GHITM: variants seen among roughly 807,000 people sequenced by gnomAD.
The protein encoded by GHITM is growth hormone-inducible transmembrane protein.
In GHITM, 24 loss-of-function variants were observed where a neutral mutation model predicts 38.7. That is an observed-to-expected ratio of 0.62 (90% CI 0.45 to 0.87). The LOEUF is 0.87. Among genes scored for constraint, GHITM ranks in the 40% least tolerant of loss-of-function variants. The probability of loss-of-function intolerance (pLI) is 0.00; values close to 1 mark genes in which losing one functional copy is unlikely to be tolerated. For missense variants in GHITM, 420 were observed against 429.8 expected (o/e 0.98, Z 0.20); for synonymous variants, 154 against 147.8 (o/e 1.04, Z -0.30).
At chr10:84,149,632 G>A (rs1487313501) in intron 6 of GHITM, among the ~76,000 whole-genome samples, 3 of 152,182 alleles carry the variant, frequency 2.0e-5, no homozygotes, top group Admixed American at 6.5e-5. Flanking sequence ...AGCAGTGTCT[G>A]TCTTAGAAGT....
Position 84,148,781 on chromosome 10 carries a change from TCA to T in GHITM, c.536_537del (p.Ser179TyrfsTer4). 1 of 1,613,610 alleles carries T rather than the reference TCA, an allele frequency of 6.2e-7. No homozygotes were observed. Among genetic ancestry groups the T allele is most frequent in the Non-Finnish European group, 8.5e-7 (1 of 1,179,504 alleles). On this transcript the variant is annotated frameshift_variant, in exon 6 of 9. Transcript: ENST00000372134. LOFTEE classifies it high-confidence loss of function. Reference sequence around the variant, plus strand: ...GGTTGGAGCTGGAATGCTGGTACGATCAATACCATATGACCAGAGCCCAGGCC... The same window carrying T: ...GGTTGGAGCTGGAATGCTGGTACGATATACCATATGACCAGAGCCCAGGCC... ...AMVGAGMLVR[S>X]IPYDQSPGPK... is the part of the protein sequence containing the mutation.
chr10:84,143,299 G>A (rs1415848521), intron 3 of GHITM, among the ~76,000 whole-genome samples: 1 of 152,196 alleles, frequency 6.6e-6, no homozygotes, highest in East Asian at 1.9e-4. Context: ...TAATAATCTT[G>A]CAAAATGTCT....
At chr10:84,146,657 T>G (rs958538464) in intron 5 of GHITM, among the ~76,000 whole-genome samples, 11 of 152,204 alleles carry the variant, frequency 7.2e-5, no homozygotes, top group Non-Finnish European at 1.3e-4. Context: ...GCAAATAATT[T>G]AAAACAATAC....
At chr10:84,150,363 A>AT in intron 7 of GHITM, 120 bp downstream of exon 7, 7 of 780,188 alleles carry the variant, frequency 9.0e-6, no homozygotes, top group Non-Finnish European at 1.4e-5. Context: ...ATTTATGCTA[A>AT]TTTGACTGGA....
At chr10:84,150,536 G>A (rs753632836) in intron 7 of GHITM, among the ~76,000 whole-genome samples, 173 bp from the exon 8 acceptor site, 1 of 152,168 alleles carries the variant, frequency 6.6e-6, no homozygotes, top group Non-Finnish European at 1.5e-5. Flanking sequence ...TTGGAGGAAT[G>A]AGTATCATGG....
intron 6 of GHITM, among the ~76,000 whole-genome samples, chr10:84,149,040 G>A (rs1003099214): frequency 6.6e-6 from 1 of 152,158 alleles, no homozygotes; most frequent in African/African-American, 2.4e-5. Flanking sequence ...TCTTCAATAC[G>A]AAACTTGTAT....
At chr10:84,149,481 A>ATTTTTTTT (rs1453776873) in intron 6 of GHITM, among the ~76,000 whole-genome samples, 4 of 152,156 alleles carry the variant, frequency 2.6e-5, no homozygotes, top group African/African-American at 9.7e-5. Flanking sequence ...ATAATGCATT[A>ATTTTTTTT]TCTAAGTTTT....
intron 8 of GHITM, 111 bp downstream of exon 8, chr10:84,150,991 A>G: frequency 1.5e-6 from 1 of 680,844 alleles, no homozygotes; most frequent in East Asian, 2.7e-5. Context: ...TACTGTTAAC[A>G]AAGTATCGCA....
rs202027625 is a variant in GHITM at position 84,150,881 on chromosome 10, G to A, written c.953+1G>A. Reference sequence around the variant, plus strand: ...TTCAAAAATATGATCCCATTAACTCGTAAGTAATGCTTTTTATTTAACACT... The same window carrying A: ...TTCAAAAATATGATCCCATTAACTCATAAGTAATGCTTTTTATTTAACACT... On this transcript the variant is annotated splice_donor_variant, in intron 8 of 8. Coordinates refer to ENST00000372134, the MANE Select transcript of GHITM (RefSeq NM_014394.3). LOFTEE classifies it high-confidence loss of function. 9.5e-5 allele frequency: 150 copies of A among 1,577,146 alleles called. No homozygotes were observed. Among genetic ancestry groups the A allele is most frequent in the Middle Eastern group, 2.1e-4 (1 of 4,818 alleles).
At chr10:84,141,241 C>T (rs1841502870) in intron 1 of GHITM, among the ~76,000 whole-genome samples, 1 of 152,190 alleles carries the variant, frequency 6.6e-6, no homozygotes. Context: ...CTAGTTTGTT[C>T]CTCCATCTTC....
chr10:84,150,213 G>T lies in GHITM; in HGVS notation c.751G>T (p.Gly251Cys). ...GAACATGGGTGCACCCCTGGGAGTG[G>T]GCCTGGGTCTCGTCTTTGTGTCCTC... Reference protein sequence around the residue: ...FLNMGAPLGVGLGLVFVSSLG... With the variant: ...FLNMGAPLGVCLGLVFVSSLG... The change falls in exon 7 of 9, where the codon GGC (glycine) becomes TGC (cysteine). Residue 251 changes from glycine to cysteine, a missense_variant. Coordinates refer to ENST00000372134, the MANE Select transcript of GHITM (RefSeq NM_014394.3). 1 of 1,611,164 alleles carries T rather than the reference G, an allele frequency of 6.2e-7. No individual in the cohort carries two copies. The highest frequency in any genetic ancestry group is 2.2e-5 in the East Asian group (1 of 44,826).
At chr10:84,144,831 C>G in intron 4 of GHITM, 44 bp from the exon 5 acceptor site, 3 of 1,455,146 alleles carry the variant, frequency 2.1e-6, no homozygotes, top group African/African-American at 1.4e-5. Context: ...AACCAGAAAT[C>G]AAATCTGTAA....
intron 8 of GHITM, among the ~76,000 whole-genome samples, chr10:84,152,039 G>T (rs919500495): frequency 1.3e-5 from 2 of 152,078 alleles, no homozygotes; most frequent in African/African-American, 4.8e-5. Flanking sequence ...ATAAAATAAT[G>T]ATTTTTTTAA....
At chr10:84,140,574 C>T (rs1172965607) in intron 1 of GHITM, 1 of 152,178 alleles carries the variant, frequency 6.6e-6, no homozygotes, top group Non-Finnish European at 1.5e-5. Context: ...TATCACTTGC[C>T]TAGAATTCAC....
rs1331737510 is a variant in GHITM at position 84,144,023 on chromosome 10, T to C, written c.258T>C (p.Ala86=). ...KIDQMGRWFV[A]GGAAVGLGAL... is the part of the protein sequence containing the mutation. ...ATCAGATGGGAAGATGGTTTGTTGC[T>C]GGAGGGGCTGCTGTTGGTCTTGGAG... Residue 86 remains alanine (A), a synonymous_variant, in exon 4 of 9, where the codon GCT becomes GCC. Coordinates refer to ENST00000372134, the MANE Select transcript of GHITM (RefSeq NM_014394.3). 6.2e-7 allele frequency: 1 copy of C among 1,614,004 alleles called. No homozygotes were observed. Among genetic ancestry groups the C allele is most frequent in the Non-Finnish European group, 8.5e-7 (1 of 1,179,830 alleles).
intron 8 of GHITM, 45 bp downstream of exon 8, chr10:84,150,925 G>C: frequency 2.3e-6 from 3 of 1,332,208 alleles, no homozygotes; most frequent in Non-Finnish European, 3.2e-6. Flanking sequence ...GTCACATAAG[G>C]ATGCTTGTGT....
In GHITM at chr10:84,141,561, T is replaced by A. The variant is rs1841506733; in HGVS notation, c.61T>A (p.Phe21Ile). Reference sequence around the variant, plus strand: ...ACCTTCTAGGGTTTTCCACCCAGCTTTCACCAAGGCCTCCCCTGTTGTGAA... The same window carrying A: ...ACCTTCTAGGGTTTTCCACCCAGCTATCACCAAGGCCTCCCCTGTTGTGAA... ...TLPSRVFHPA[F>I]TKASPVVKNS... The change falls in exon 2 of 9, where the codon TTC becomes ATC. Residue 21 changes from phenylalanine (F) to isoleucine (I), a missense_variant. By Grantham distance (21) the Phe-to-Ile change is conservative. Coordinates refer to ENST00000372134, the MANE Select transcript of GHITM (RefSeq NM_014394.3). The A allele has an allele frequency of 6.2e-7, 1 of 1,613,628 alleles. No individual in the cohort carries two copies. Among genetic ancestry groups the A allele is most frequent in the African/African-American group, 1.3e-5 (1 of 74,930 alleles).
intron 2 of GHITM, 75 bp downstream of exon 2, chr10:84,141,704 C>T (rs1278205695): frequency 3.5e-6 from 5 of 1,417,878 alleles, no homozygotes; most frequent in Non-Finnish European, 5.0e-6. Flanking sequence ...AGTATGGCTG[C>T]TCTGCCTTTA....
At position 84,150,251 on chromosome 10, in the gene GHITM, G is replaced by C; in HGVS notation, c.781+8G>C. 5 of 1,591,288 alleles carry C rather than the reference G, an allele frequency of 3.1e-6. No individual in the cohort carries two copies. The highest frequency in any genetic ancestry group is 4.3e-6 in the Non-Finnish European group (5 of 1,166,360). On this transcript the variant is annotated splice_region_variant and intron_variant, in intron 7 of 8. Transcript: ENST00000372134. ...TCTTTGTGTCCTCATTGGGTAAGCT[G>C]CTGTGTTTTAACACTTAATTCTTGG...
Sources: gnomAD v4.1 joint callset for allele counts (sites outside exome capture counted in the v4.1 genomes callset) on GRCh38, gnomAD v4.1.1 for gene constraint, MANE v1.5 for transcripts, NCBI Gene and HGNC (gene_info 2026-07-23, HGNC 2026-07-21) for gene names.